Variants in CP observed in about 807,000 individuals in gnomAD.
The protein encoded by CP is ceruloplasmin.
Under a neutral mutation model 122.4 loss-of-function variants are expected in CP, and 64 were observed. The observed-to-expected ratio is 0.52, with a 90% confidence interval of 0.43 to 0.64. The LOEUF (loss-of-function observed/expected upper bound fraction) is 0.64, where lower values mean the gene tolerates loss of function less well. CP is among the 30% of genes least tolerant of loss of function. CP has a pLI of 0.00. For synonymous variants in CP, 440 were observed against 436.4 expected (o/e 1.01, Z -0.10); for missense variants, 1,167 against 1,284.4 (o/e 0.91, Z 1.40).
At chr3:149,181,975 C>CGGGGGGGGGGGGGGGGGCG in intron 14 of CP, 30 bp downstream of exon 14, 2 of 1,088,426 alleles carry the variant, frequency 1.8e-6, no homozygotes, top group Non-Finnish European at 2.7e-6. Flanking sequence ...TGTTAAAATG[C>CGGGGGGGGGGGGGGGGGCG]ACCACCCCCA....
chr3:149,207,582 G>A lies in CP; in HGVS notation c.817C>T (p.Leu273Phe). 1 of 1,613,930 alleles carries A rather than the reference G, an allele frequency of 6.2e-7. No individual in the cohort carries two copies. Among genetic ancestry groups the A allele is most frequent in the Non-Finnish European group, 8.5e-7 (1 of 1,179,806 alleles). ...NGYTFGSLPG[L>F]SMCAEDRVKW... is the part of the protein sequence containing the mutation. ...ACTCTGTCTTCAGCACACATGGAGA[G>A]TCCTGGGAGACTTCCAAAAGTGTAT... Residue 273 changes from leucine to phenylalanine, a missense_variant, in exon 5 of 19, where the codon CTC becomes TTC. Coordinates refer to ENST00000264613, the MANE Select transcript of CP (RefSeq NM_000096.4).
intron 9 of CP, among the ~76,000 whole-genome samples, chr3:149,194,626 C>A (rs1408484663): frequency 6.6e-6 from 1 of 151,956 alleles, no homozygotes; most frequent in Non-Finnish European, 1.5e-5. Flanking sequence ...AAAAAAAATC[C>A]AAGATCCATA....
rs549572662 is a variant in CP, at chr3:149,212,266, G to A, written c.394+185C>T. ...GCGGTGCTTGCAGTGATCCGAGGTC[G>A]TGCCACTGCACTCCAGCCTGGGTGA... is the stretch of plus-strand genomic sequence containing the variant. On this transcript the variant is annotated intron_variant, in intron 2 of 18. Transcript: ENST00000264613. Among the ~76,000 whole-genome samples, 102 of 151,810 alleles carry A rather than the reference G, an allele frequency of 6.7e-4. 1 individual carries two copies. The highest frequency in any genetic ancestry group is 2.1e-3 in the African/African-American group (86 of 41,388).
intron 7 of CP, chr3:149,200,104 AC>A: frequency 2.0e-6 from 1 of 512,078 alleles, no homozygotes. Flanking sequence ...TCATTTTTGT[AC>A]AAGTCAGTTA....
At chr3:149,208,782 A>C (rs1727920397) in intron 4 of CP, among the ~76,000 whole-genome samples, 1 of 152,230 alleles carries the variant, frequency 6.6e-6, no homozygotes. Flanking sequence ...CAGTGAGGGC[A>C]ACATAGTATG....
chr3:149,169,165 C>T (rs1169468587), downstream of CP, among the ~76,000 whole-genome samples: 1 of 152,044 alleles, frequency 6.6e-6, no homozygotes, highest in Non-Finnish European at 1.5e-5. Flanking sequence ...ACATTCCTCA[C>T]CAGCAATATG....
intron 1 of CP, 43 bp downstream of exon 1, chr3:149,221,604 A>C: frequency 6.4e-7 from 1 of 1,568,208 alleles, no homozygotes; most frequent in Non-Finnish European, 8.7e-7. Context: ...CTTTAAAAAT[A>C]ACTTAAAATT....
intron 4 of CP, among the ~76,000 whole-genome samples, chr3:149,166,876 A>T (rs1724477409): frequency 1.3e-5 from 2 of 152,212 alleles, no homozygotes; most frequent in African/African-American, 4.8e-5. Flanking sequence ...TTATACTTAG[A>T]TTTATTAAAT....
chr3:149,162,634 G>A (rs776360919), exon 6 of CP: 24 of 1,555,980 alleles, frequency 1.5e-5, no homozygotes, highest in East Asian at 6.7e-5. Flanking sequence ...CCCAGCTGTC[G>A]CTTTATCAGT....
At chr3:149,216,572 G>A (rs915948953) in intron 1 of CP, among the ~76,000 whole-genome samples, 2 of 152,144 alleles carry the variant, frequency 1.3e-5, no homozygotes, top group South Asian at 4.1e-4. Flanking sequence ...TTTCTTCTGG[G>A]AGCCACTTTG....
intron 1 of CP, chr3:149,218,093 T>TGGCC (rs1728579402): frequency 5.8e-6 from 1 of 171,450 alleles, no homozygotes; most frequent in African/African-American, 2.4e-5. Context: ...AGTTTTGTGA[T>TGGCC]GGCCGTTCGT....
At chr3:149,169,913 A>C (rs1440078577), downstream of CP, among the ~76,000 whole-genome samples, 3 of 152,208 alleles carry the variant, frequency 2.0e-5, no homozygotes, top group African/African-American at 7.2e-5. Flanking sequence ...GAAGATTTTA[A>C]GGGTACAGGT....
chr3:149,212,318 AT>A lies in CP; in HGVS notation c.394+132del, dbSNP rs1268904226. ...AGAAGTCAAAAAAAATTAAAAAAAA[AT>A]AAAAAAAAAATAGTTAAGAGCTGAA... is the stretch of plus-strand genomic sequence containing the variant. On this transcript the variant is annotated intron_variant, in intron 2 of 18. Coordinates refer to ENST00000264613, the MANE Select transcript of CP (RefSeq NM_000096.4). The A allele has an allele frequency of 2.2e-5, 21 of 969,076 alleles. No individual in the cohort carries two copies. In the South Asian group the frequency reaches 3.1e-4, roughly 14 times the overall value. The allele number at this position is 969,076 out of a possible 1,614,324, so 60.0% of individuals were successfully genotyped here.
At chr3:149,180,676 A>AT (rs750674649) in intron 14 of CP, among the ~76,000 whole-genome samples, 19 of 152,108 alleles carry the variant, frequency 1.2e-4, no homozygotes, top group Non-Finnish European at 2.2e-4. Context: ...AGCTGTTCCT[A>AT]TGTCCTCACC....
At chr3:149,190,682 G>T (rs568390535) in intron 9 of CP, among the ~76,000 whole-genome samples, 177 of 150,400 alleles carry the variant, frequency 1.2e-3, no homozygotes, top group African/African-American at 4.2e-3. Context: ...AAAAAAAGGA[G>T]GGGGGGAACC....
At chr3:149,218,123 C>G (rs1728583014) in intron 1 of CP, 2 of 170,008 alleles carry the variant, frequency 1.2e-5, no homozygotes, top group African/African-American at 4.8e-5. Flanking sequence ...AAAATTTTCA[C>G]TTATTTCCAG....
rs1724514050 is a variant in CP at position 149,167,215 on chromosome 3, ATC to A, written c.587-1167_587-1166del. The A allele has an allele frequency of 1.9e-6, 3 of 1,613,456 alleles. No homozygotes were observed. In the South Asian group the frequency reaches 3.3e-5, roughly 18 times the overall value. On this transcript the variant is annotated intron_variant, in intron 4 of 5. Transcript: ENST00000479771. The stretch of plus-strand genomic sequence containing the variant: ...CCGGAGGCAGTCATTCCATATGCTA[ATC>A]ATGAACTGAAAGAAGAGAACCGGGT...
At chr3:149,174,052 C>G (rs1239353320) in intron 18 of CP, among the ~76,000 whole-genome samples, 1 of 152,112 alleles carries the variant, frequency 6.6e-6, no homozygotes, top group African/African-American at 2.4e-5. Context: ...CTTGTGCCTC[C>G]TGATATGGTG....
intron 4 of CP, among the ~76,000 whole-genome samples, chr3:149,208,094 CT>C (rs1202275744): frequency 2.6e-5 from 4 of 151,464 alleles, no homozygotes; most frequent in African/African-American, 4.9e-5. Context: ...ATAAGAATAG[CT>C]TTTTTTTAAA....
Sources: gnomAD v4.1 joint callset for allele counts (sites outside exome capture counted in the v4.1 genomes callset) on GRCh38, gnomAD v4.1.1 for gene constraint, MANE v1.5 for transcripts, NCBI Gene and HGNC (gene_info 2026-07-23, HGNC 2026-07-21) for gene names.